Variants in STXBP5 observed in about 807,000 individuals in gnomAD.
STXBP5 encodes the protein syntaxin-binding protein 5.
STXBP5 carries 50 observed loss-of-function variants against 152.4 expected under a neutral mutation model. The observed-to-expected ratio is 0.33, with a 90% CI of 0.26 to 0.42. The LOEUF (loss-of-function observed/expected upper bound fraction) is 0.42, where lower values mean the gene tolerates loss of function less well. Among genes scored for constraint, STXBP5 ranks in the 10% least tolerant of loss-of-function variants. STXBP5 has a pLI of 1.00. For synonymous variants in STXBP5, 492 were observed against 494.7 expected (o/e 0.99, Z 0.07); for missense variants, 1,167 against 1,388.6 (o/e 0.84, Z 2.54).
intron 4 of STXBP5, among the ~76,000 whole-genome samples, chr6:147,250,920 A>G (rs1379227473): frequency 6.7e-6 from 1 of 149,410 alleles, no homozygotes; most frequent in African/African-American, 2.5e-5. Flanking sequence ...GCAAGCTGAG[A>G]TCACATCACT....
chr6:147,288,474 T>C (rs1448072331), intron 8 of STXBP5, among the ~76,000 whole-genome samples: 1 of 152,230 alleles, frequency 6.6e-6, no homozygotes, highest in African/African-American at 2.4e-5. Context: ...CTCATGTTAC[T>C]GAAGTTCAGT....
chr6:147,311,884 T>C (rs1283145232), intron 11 of STXBP5, among the ~76,000 whole-genome samples: 1 of 152,166 alleles, frequency 6.6e-6, no homozygotes, highest in African/African-American at 2.4e-5. Context: ...TCACTCTCAG[T>C]TGCAATGTTT....
intron 4 of STXBP5, 132 bp downstream of exon 4, chr6:147,239,402 A>G (rs1353214842): frequency 4.5e-6 from 3 of 672,382 alleles, no homozygotes; most frequent in Non-Finnish European, 7.2e-6. Flanking sequence ...TTCAAAGGAT[A>G]TACAATAAAA....
chr6:147,317,845 T>G (rs1161338900), intron 16 of STXBP5, among the ~76,000 whole-genome samples: 1 of 152,240 alleles, frequency 6.6e-6, no homozygotes, highest in African/African-American at 2.4e-5. Flanking sequence ...ATTGTAAATG[T>G]TCCGTTAATG....
At chr6:147,267,377 A>G (rs1302519488) in intron 7 of STXBP5, among the ~76,000 whole-genome samples, 1 of 152,170 alleles carries the variant, frequency 6.6e-6, no homozygotes, top group African/African-American at 2.4e-5. Flanking sequence ...GTTTCCTTAC[A>G]GGTAGCATGT....
intron 23 of STXBP5, 41 bp downstream of exon 23, chr6:147,359,364 G>A (rs1784959897): frequency 1.9e-6 from 3 of 1,572,846 alleles, no homozygotes; most frequent in East Asian, 4.5e-5. Flanking sequence ...TTACAGGTGT[G>A]ATTTACTATG....
In STXBP5 at chr6:147,327,038, G is replaced by A. The variant is rs532019737; in HGVS notation, c.1929-87G>A. 6.2e-5 allele frequency: 78 copies of A among 1,248,450 alleles called. No homozygotes were observed. The South Asian group carries it at 1.1e-3, about 18-fold the overall frequency. 77.3% of individuals were successfully genotyped at this position (1,248,450 alleles called of 1,614,324 possible). A position where few individuals can be genotyped will look rare whatever the true frequency, so the allele number is the denominator to read the frequency against. ...AAGAATTTTCTGAAAGACCCACCATGCTTCTTTCTTCAGCCTTATAGACTG... is the reference window on the plus strand; with the variant it reads ...AAGAATTTTCTGAAAGACCCACCATACTTCTTTCTTCAGCCTTATAGACTG... On this transcript the variant is annotated intron_variant, in intron 17 of 27. Coordinates refer to ENST00000321680, the MANE Select transcript of STXBP5 (RefSeq NM_001127715.4).
intron 8 of STXBP5, among the ~76,000 whole-genome samples, chr6:147,287,196 T>TTTC (rs1190654388): frequency 9.6e-6 from 1 of 104,032 alleles, no homozygotes; most frequent in African/African-American, 3.7e-5. Flanking sequence ...AATTGTACAT[T>TTTC]TTTTTTTTTT....
chr6:147,270,285 G>C (rs1385374824), intron 7 of STXBP5, among the ~76,000 whole-genome samples: 3 of 151,438 alleles, frequency 2.0e-5, no homozygotes, highest in Non-Finnish European at 2.9e-5. Flanking sequence ...TGTAGTCCCA[G>C]CTACTTGGGA....
At chr6:147,351,782 C>G in intron 21 of STXBP5, 1 of 910,252 alleles carries the variant, frequency 1.1e-6, no homozygotes, top group Non-Finnish European at 1.3e-6. Context: ...CCCATTCCTT[C>G]CCAGTCTGCC....
At chr6:147,295,666 G>A (rs1372614244) in intron 9 of STXBP5, among the ~76,000 whole-genome samples, 2 of 152,148 alleles carry the variant, frequency 1.3e-5, no homozygotes, top group African/African-American at 2.4e-5. Context: ...TGGGGAAAAC[G>A]TAAGCCATAG....
Position 147,346,884 on chromosome 6 carries a change from G to T in STXBP5, c.2255-6439G>T, listed in dbSNP as rs1236309663. ...ATTGAACAGCAGGCTTTCCAGGACT[G>T]TCATCCTTGAGAAAATGGAGATACA... On this transcript the variant is annotated intron_variant, in intron 21 of 27. Transcript: ENST00000321680. 2.0e-5 allele frequency among the ~76,000 whole-genome samples: 3 copies of T among 152,154 alleles called. No homozygotes were observed. The East Asian group carries it at 5.8e-4, about 29-fold the overall frequency.
chr6:147,222,015 A>G (rs1033774730), intron 2 of STXBP5, among the ~76,000 whole-genome samples: 5 of 151,672 alleles, frequency 3.3e-5, no homozygotes, highest in South Asian at 2.1e-4. Context: ...TTAAGAGACT[A>G]TTTCCTTAGC....
chr6:147,311,322 A>G (rs968587422), intron 10 of STXBP5, 133 bp from the exon 11 acceptor site: 6 of 725,190 alleles, frequency 8.3e-6, no homozygotes, highest in African/African-American at 1.8e-5. Context: ...AATAACATGC[A>G]TGAAGTATCA....
chr6:147,330,436 T>C (rs1270141701), intron 18 of STXBP5, among the ~76,000 whole-genome samples: 1 of 152,138 alleles, frequency 6.6e-6, no homozygotes, highest in Non-Finnish European at 1.5e-5. Flanking sequence ...AGTTCCTTTA[T>C]GTAAATGAGG....
intron 21 of STXBP5, among the ~76,000 whole-genome samples, chr6:147,344,894 G>T (rs1180158810): frequency 3.9e-5 from 6 of 152,164 alleles, no homozygotes; most frequent in Non-Finnish European, 8.8e-5. Context: ...TAGACATTAA[G>T]TTTTATGAAT....
chr6:147,363,988 T>A lies in STXBP5; in HGVS notation c.2916-13T>A, dbSNP rs1472307108. 1.2e-6 allele frequency: 2 copies of A among 1,608,754 alleles called. No homozygotes were observed. The highest frequency in any genetic ancestry group is 1.7e-5 in the Admixed American group (1 of 59,144). On this transcript the variant is annotated splice_polypyrimidine_tract_variant and intron_variant, in intron 24 of 27. Coordinates refer to ENST00000321680, the MANE Select transcript of STXBP5 (RefSeq NM_001127715.4). ...TACCTTATTATTAACAAGTTTTTAA[T>A]TTTTTTCTCAAGTTTGCCAAGTTTA...
At position 147,313,924 on chromosome 6, in the gene STXBP5, G is replaced by A; in HGVS notation, c.1186G>A (p.Glu396Lys). 6.3e-7 allele frequency: 1 copy of A among 1,598,518 alleles called. No individual in the cohort carries two copies. Among genetic ancestry groups the A allele is most frequent in the Non-Finnish European group, 8.6e-7 (1 of 1,169,392 alleles). The change falls in exon 12 of 28, where the codon GAG becomes AAG. Residue 396 changes from glutamate (E) to lysine (K), a missense_variant. Glu to Lys is a moderately conservative substitution (Grantham distance 56). This residue lies in a region of STXBP5 where 833 missense variants were observed against 986.3 expected (regional missense o/e 0.84). Coordinates refer to ENST00000321680, the MANE Select transcript of STXBP5 (RefSeq NM_001127715.4). Reference protein sequence around the residue: ...FENPYPLSIHESPVTCCEYFA... With the variant: ...FENPYPLSIHKSPVTCCEYFA... ...AAATCCCTACCCTTTGAGTATACAT[G>A]AGTCCCCTGTTACATGTTGCGAATA...
intron 21 of STXBP5, among the ~76,000 whole-genome samples, chr6:147,348,929 T>G (rs1013227687): frequency 1.3e-5 from 2 of 152,166 alleles, no homozygotes; most frequent in Non-Finnish European, 2.9e-5. Flanking sequence ...AAAAGTGGAC[T>G]TTTAAAAGTG....
Sources: gnomAD v4.1 joint callset for allele counts (sites outside exome capture counted in the v4.1 genomes callset) on GRCh38, gnomAD v4.1.1 for gene constraint, gnomAD v4.1.1 regional missense constraint, MANE v1.5 for transcripts, NCBI Gene and HGNC (gene_info 2026-07-23, HGNC 2026-07-21) for gene names.